The following RADIL variants were observed in gnomAD, a reference collection of about 807,000 sequenced individuals.
RADIL encodes ras-associating and dilute domain-containing protein.
RADIL carries 99 observed loss-of-function variants against 97.6 expected under a neutral mutation model. The ratio of observed to expected loss-of-function variants is 1.01; its 90% CI spans 0.86 to 1.20. The LOEUF (loss-of-function observed/expected upper bound fraction) is 1.20, where lower values mean the gene tolerates loss of function less well. Ranked by LOEUF, RADIL falls within the 50% of genes most tolerant of loss-of-function variation. The pLI is 0.00. For missense variants in RADIL, 1,765 were observed against 1,498.9 expected (o/e 1.18, Z -2.93); for synonymous variants, 803 against 691.8 (o/e 1.16, Z -2.52).
chr7:4,803,729 G>T lies in RADIL; in HGVS notation c.2316C>A (p.Asn772Lys). 1.3e-6 allele frequency: 2 copies of T among 1,566,208 alleles called. No homozygotes were observed. Among genetic ancestry groups the T allele is most frequent in the Non-Finnish European group, 1.7e-6 (2 of 1,156,182 alleles). The change falls in exon 11 of 15, where the codon AAC becomes AAA. Residue 772 changes from asparagine (N) to lysine (K), a missense_variant. Asn to Lys is a moderately conservative substitution (Grantham distance 94). Coordinates refer to ENST00000399583, the MANE Select transcript of RADIL (RefSeq NM_018059.5). ...CGCTGGGCAGGACGATGGGTGGGGG[G>T]TTTTCGTAGGACTCCAGAACATCCT... is the stretch of plus-strand genomic sequence containing the variant. ...RSEDVLESYE[N>K]PPPIVLPSDG...
chr7:4,838,952 C>T (rs575077275), intron 2 of RADIL, among the ~76,000 whole-genome samples: 13 of 150,872 alleles, frequency 8.6e-5, no homozygotes, highest in South Asian at 2.1e-4. Context: ...TGCATGCACA[C>T]GTGCACACGT....
chr7:4,852,911 G>T (rs1050723619), intron 2 of RADIL, among the ~76,000 whole-genome samples: 1 of 152,198 alleles, frequency 6.6e-6, no homozygotes, highest in Non-Finnish European at 1.5e-5. Context: ...AGTTGGGAGG[G>T]CTGGGGCAGA....
chr7:4,804,228 G>A (rs187052231), intron 10 of RADIL, among the ~76,000 whole-genome samples: 132 of 152,348 alleles, frequency 8.7e-4, no homozygotes, highest in African/African-American at 2.3e-3. Context: ...CCTTTCAGGC[G>A]GCGGAAGAGT....
intron 2 of RADIL, among the ~76,000 whole-genome samples, chr7:4,862,706 G>GC (rs1365408136): frequency 6.6e-6 from 1 of 151,226 alleles, no homozygotes; most frequent in African/African-American, 2.4e-5. Context: ...TTGGAGACCA[G>GC]CCTCAACATG....
intron 2 of RADIL, among the ~76,000 whole-genome samples, chr7:4,866,330 A>C (rs1276906158): frequency 6.6e-6 from 1 of 151,686 alleles, no homozygotes. Context: ...TAGACTCTTG[A>C]CTCCATGAAA....
At chr7:4,800,341 G>A in intron 12 of RADIL, 31 bp from the exon 13 acceptor site, 1 of 1,421,480 alleles carries the variant, frequency 7.0e-7, no homozygotes, top group Non-Finnish European at 9.2e-7. Context: ...GTGGGTGGGA[G>A]TGAGGCGCCA....
chr7:4,818,015 C>T lies in RADIL; in HGVS notation c.1616-664G>A, dbSNP rs1253843234. Reference sequence around the variant, plus strand: ...TCAGTGACTGAGGGTCCCATCAGCACCTGGGGAAGGGGCCAGGACCCTGGG... The same window carrying T: ...TCAGTGACTGAGGGTCCCATCAGCATCTGGGGAAGGGGCCAGGACCCTGGG... On this transcript the variant is annotated intron_variant, in intron 6 of 14. Transcript: ENST00000399583. This position sits in a 1 kb window ranked among gnomAD's most constrained non-coding sequence, Gnocchi z 7.1. 6.6e-6 allele frequency among the ~76,000 whole-genome samples: 1 copy of T among 152,220 alleles called. No individual in the cohort carries two copies. The highest frequency in any genetic ancestry group is 2.4e-5 in the African/African-American group (1 of 41,456).
intron 2 of RADIL, among the ~76,000 whole-genome samples, chr7:4,848,216 C>CAA (rs34341810): frequency 0.028 from 3,661 of 129,118 alleles, 85 homozygotes; most frequent in South Asian, 0.09. Context: ...GACCCCGTCT[C>CAA]AAAAAAAAAA....
In RADIL at chr7:4,819,685, C is replaced by G. The variant is rs903334983; in HGVS notation, c.1616-2334G>C. ...GTGACCCACCCTCGGGACGCGACAGCCCTGCTCTCCGAATTCTTCCCACAG... is the reference window on the plus strand; with the variant it reads ...GTGACCCACCCTCGGGACGCGACAGGCCTGCTCTCCGAATTCTTCCCACAG... On this transcript the variant is annotated intron_variant, in intron 6 of 14. Transcript: ENST00000399583. The surrounding 1 kb of genome is among the most constrained non-coding windows in gnomAD (Gnocchi z 5.8). 6.6e-6 allele frequency among the ~76,000 whole-genome samples: 1 copy of G among 152,192 alleles called. No homozygotes were observed.
chr7:4,854,790 T>C lies in RADIL; in HGVS notation c.536-18185A>G, dbSNP rs182096095. ...TGAAAGCATTTGTAACTTAGACTAA[T>C]AACAAAATAAACACCATTTCATCCA... On this transcript the variant is annotated intron_variant, in intron 2 of 14. Transcript: ENST00000399583. This position sits in a 1 kb window ranked among gnomAD's most constrained non-coding sequence, Gnocchi z 5.1. 2.0e-5 allele frequency among the ~76,000 whole-genome samples: 3 copies of C among 152,292 alleles called. No homozygotes were observed. Among genetic ancestry groups the C allele is most frequent in the East Asian group, 1.9e-4 (1 of 5,182 alleles).
chr7:4,863,591 T>C (rs1784070060), intron 2 of RADIL, among the ~76,000 whole-genome samples: 2 of 152,206 alleles, frequency 1.3e-5, no homozygotes, highest in Admixed American at 1.3e-4. Context: ...ATCTAGATGG[T>C]GCAACTTTGA....
rs1376674737 is a variant in RADIL at position 4,818,130 on chromosome 7, G to A, written c.1616-779C>T. ...CCTGTCAGCCGCGTGGGCGGCCACA[G>A]CTCCCCTCCTCTCCCTCCTGTGGGG... is the stretch of plus-strand genomic sequence containing the variant. On this transcript the variant is annotated intron_variant, in intron 6 of 14. Transcript: ENST00000399583. This position sits in a 1 kb window ranked among gnomAD's most constrained non-coding sequence, Gnocchi z 7.1. Among the ~76,000 whole-genome samples the A allele has an allele frequency of 1.3e-5, 2 of 152,196 alleles. No homozygotes were observed. Among genetic ancestry groups the A allele is most frequent in the Non-Finnish European group, 2.9e-5 (2 of 68,028 alleles).
chr7:4,835,298 C>T lies in RADIL; in HGVS notation c.784-59G>A. On this transcript the variant is annotated intron_variant, in intron 3 of 14. Coordinates refer to ENST00000399583, the MANE Select transcript of RADIL (RefSeq NM_018059.5). The surrounding 1 kb of genome is among the most constrained non-coding windows in gnomAD (Gnocchi z 5.8). Reference sequence around the variant, plus strand: ...CGCGAGCAGCACACGGGAAAAGCGTCCCGTGTCTAGTCACTGGTTGCTGAA... The same window carrying T: ...CGCGAGCAGCACACGGGAAAAGCGTTCCGTGTCTAGTCACTGGTTGCTGAA... The T allele has an allele frequency of 1.3e-6, 2 of 1,571,002 alleles. No individual in the cohort carries two copies. The highest frequency in any genetic ancestry group is 1.7e-6 in the Non-Finnish European group (2 of 1,165,148).
chr7:4,879,333 G>C lies in RADIL; in HGVS notation c.-64-1130C>G, dbSNP rs1042772283. ...CAGTCTCCCTCCAGAACCTCTGTGG[G>C]GGCAGGAGGGCAGAGAAAAAGGAAG... On this transcript the variant is annotated intron_variant, in intron 1 of 14. Transcript: ENST00000399583. The surrounding 1 kb of genome is among the most constrained non-coding windows in gnomAD (Gnocchi z 4.1). Among the ~76,000 whole-genome samples, 3 of 152,232 alleles carry C rather than the reference G, an allele frequency of 2.0e-5. No homozygotes were observed. The highest frequency in any genetic ancestry group is 2.0e-4 in the Admixed American group (3 of 15,284).
Position 4,810,885 on chromosome 7 carries a change from C to G in RADIL, c.2139+4393G>C, listed in dbSNP as rs555844943. 2.0e-5 allele frequency among the ~76,000 whole-genome samples: 3 copies of G among 152,320 alleles called. No homozygotes were observed. In the East Asian group the frequency reaches 5.8e-4, roughly 29 times the overall value. On this transcript the variant is annotated intron_variant, in intron 9 of 14. Transcript: ENST00000399583. The stretch of plus-strand genomic sequence containing the variant: ...GCGTGGTGGCTCACACCTGTAATCC[C>G]AGCACTTTGGGAATCTGAGGTGGGC...
In RADIL at chr7:4,854,389, T is replaced by C. The variant is rs1376122983; in HGVS notation, c.536-17784A>G. Among the ~76,000 whole-genome samples, 2 of 152,174 alleles carry C rather than the reference T, an allele frequency of 1.3e-5. No individual in the cohort carries two copies. The highest frequency in any genetic ancestry group is 1.5e-5 in the Non-Finnish European group (1 of 68,028). ...GGGTGGTGTTTGGTTTTTGTCATTG[T>C]TGATAAAGAGGTTACCACTTTGGGC... is the stretch of plus-strand genomic sequence containing the variant. On this transcript the variant is annotated intron_variant, in intron 2 of 14. Coordinates refer to ENST00000399583, the MANE Select transcript of RADIL (RefSeq NM_018059.5). This position sits in a 1 kb window ranked among gnomAD's most constrained non-coding sequence, Gnocchi z 5.1.
In RADIL at chr7:4,872,019, T is replaced by C. The variant is rs1461449165; in HGVS notation, c.535+5586A>G. Among the ~76,000 whole-genome samples the C allele has an allele frequency of 1.3e-4, 20 of 152,124 alleles. No homozygotes were observed. Among genetic ancestry groups the C allele is most frequent in the Admixed American group, 1.3e-3 (20 of 15,274 alleles). On this transcript the variant is annotated intron_variant, in intron 2 of 14. Transcript: ENST00000399583. This position sits in a 1 kb window ranked among gnomAD's most constrained non-coding sequence, Gnocchi z 5.8. ...AATGCCAAGACTCTGCACGTCACCA[T>C]CCCTGAGACCCTGGGTTTGCCAGGC...
chr7:4,834,623 A>G lies in RADIL; in HGVS notation c.1400T>C (p.Ile467Thr). 1 of 1,341,198 alleles carries G rather than the reference A, an allele frequency of 7.5e-7. No individual in the cohort carries two copies. The highest frequency in any genetic ancestry group is 1.5e-5 in the African/African-American group (1 of 66,538). The allele number at this position is 1,341,198 out of a possible 1,614,324, so 83.1% of individuals were successfully genotyped here. A position where few individuals can be genotyped will look rare whatever the true frequency, so the allele number is the denominator to read the frequency against. Reference protein sequence around the residue: ...GQLLLKIARLIRETVWEKTKE... With the variant: ...GQLLLKIARLTRETVWEKTKE... ...CACACTGACCCAGACAGTCTCGCGG[A>G]TCAGCCTGGCTATCTTGAGCAGGAG... The change falls in exon 4 of 15, where the codon ATC becomes ACC. Residue 467 changes from isoleucine (I) to threonine (T), a missense_variant. Ile to Thr is a moderately conservative substitution (Grantham distance 89, BLOSUM62 -1). Transcript: ENST00000399583. This position sits in a 1 kb window ranked among gnomAD's most constrained non-coding sequence, Gnocchi z 6.0.
At chr7:4,811,298 G>A (rs1782537811) in intron 9 of RADIL, 1 of 152,050 alleles carries the variant, frequency 6.6e-6, no homozygotes, top group Admixed American at 6.5e-5. Flanking sequence ...CCTGAAATGT[G>A]GAGAGTTTGG....
Sources: allele counts gnomAD v4.1 joint callset (sites outside exome capture counted in the v4.1 genomes callset), GRCh38; gene constraint gnomAD v4.1.1; non-coding constraint Gnocchi (gnomAD v3.1); transcripts MANE v1.5; gene names NCBI Gene and HGNC (gene_info 2026-07-23, HGNC 2026-07-21).